Variants in ARHGAP28 observed in about 807,000 individuals in gnomAD.
The protein encoded by ARHGAP28 is Rho GTPase activating protein 28.
Under a neutral mutation model 90.7 loss-of-function variants are expected in ARHGAP28, and 56 were observed. The ratio of observed to expected loss-of-function variants is 0.62; its 90% CI spans 0.50 to 0.77. The LOEUF (loss-of-function observed/expected upper bound fraction) is 0.77. Ranked by LOEUF, ARHGAP28 falls within the 30% of genes least tolerant of loss-of-function variation. The pLI, the probability that ARHGAP28 is intolerant of heterozygous loss-of-function variation, is 0.00. For missense variants in ARHGAP28, 869 were observed against 900.9 expected (o/e 0.96, Z 0.45); for synonymous variants, 308 against 323.3 (o/e 0.95, Z 0.51).
chr18:6,833,027 A>G (rs755026398), intron 2 of ARHGAP28, among the ~76,000 whole-genome samples: 1 of 152,076 alleles, frequency 6.6e-6, no homozygotes, highest in Non-Finnish European at 1.5e-5. Flanking sequence ...TAACATCTGC[A>G]TATGTTGTAC....
chr18:6,759,891 A>C (rs4516307), intron 1 of ARHGAP28, among the ~76,000 whole-genome samples: 96,092 of 151,994 alleles, frequency 0.63, 31,387 homozygotes, highest in Middle Eastern at 0.72. Context: ...TCATTTAGAT[A>C]GGTATCAGAA....
intron 2 of ARHGAP28, among the ~76,000 whole-genome samples, 190 bp downstream of exon 2, chr18:6,825,154 A>C (rs1486809314): frequency 6.6e-6 from 1 of 152,140 alleles, no homozygotes; most frequent in Non-Finnish European, 1.5e-5. Flanking sequence ...CTTTTATCCC[A>C]GGTGACATGA....
chr18:6,837,239 C>T lies in ARHGAP28; in HGVS notation c.368C>T (p.Ser123Leu). ...GAATGGCTGCAAGATGTGGGTTTAT[C>T]AACTCTGATCTCAGGTGATGAAGAG... The part of the protein sequence containing the change: ...EAEWLQDVGL[S>L]TLISGDEEED... Residue 123 changes from serine to leucine, a missense_variant, in exon 3 of 18, where the codon TCA becomes TTA. Ser to Leu is a moderately radical substitution (Grantham distance 145). Coordinates refer to ENST00000383472, the MANE Select transcript of ARHGAP28 (RefSeq NM_001366230.1). 5.7e-6 allele frequency: 9 copies of T among 1,581,024 alleles called. No homozygotes were observed. The highest frequency in any genetic ancestry group is 7.7e-6 in the Non-Finnish European group (9 of 1,165,654).
intron 1 of ARHGAP28, among the ~76,000 whole-genome samples, chr18:6,770,800 G>T (rs547764597): frequency 1.3e-5 from 2 of 152,244 alleles, no homozygotes; most frequent in African/African-American, 4.8e-5. Flanking sequence ...GGGGTGGGGA[G>T]CCATATTGCC....
In ARHGAP28 at chr18:6,729,958, T is replaced by C. The variant is rs2055861791; in HGVS notation, c.122+15T>C. The stretch of plus-strand genomic sequence containing the variant: ...CCGCTCAGCAGGTACCCGGAGCCGC[T>C]CCCACCAGGGCGGCGCAGTCGCGCT... On this transcript the variant is annotated intron_variant, in intron 1 of 17. Coordinates refer to ENST00000383472, the MANE Select transcript of ARHGAP28 (RefSeq NM_001366230.1). The C allele has an allele frequency of 1.2e-5, 16 of 1,346,068 alleles. No homozygotes were observed. Among genetic ancestry groups the C allele is most frequent in the Non-Finnish European group, 1.5e-5 (16 of 1,053,604 alleles). The allele number at this position is 1,346,068 out of a possible 1,614,324, so 83.4% of individuals were successfully genotyped here.
At chr18:6,820,164 A>G (rs1394118336) in intron 1 of ARHGAP28, among the ~76,000 whole-genome samples, 1 of 152,210 alleles carries the variant, frequency 6.6e-6, no homozygotes, top group Non-Finnish European at 1.5e-5. Flanking sequence ...TGTTATAGAA[A>G]TTAGAGGATA....
At chr18:6,760,174 G>A (rs377360731) in intron 1 of ARHGAP28, among the ~76,000 whole-genome samples, 58 of 152,220 alleles carry the variant, frequency 3.8e-4, no homozygotes, top group African/African-American at 2.6e-4. Context: ...GGTTTTTTCC[G>A]CTTTAGAAAC....
chr18:6,881,887 A>G (rs1284665709), intron 10 of ARHGAP28, among the ~76,000 whole-genome samples: 1 of 152,216 alleles, frequency 6.6e-6, no homozygotes, highest in Non-Finnish European at 1.5e-5. Flanking sequence ...GAGAACTTCT[A>G]TATTTGTGTA....
intron 9 of ARHGAP28, among the ~76,000 whole-genome samples, 182 bp downstream of exon 9, chr18:6,873,957 C>G (rs921980772): frequency 6.6e-6 from 1 of 152,234 alleles, no homozygotes; most frequent in African/African-American, 2.4e-5. Flanking sequence ...GCGCCTGGGC[C>G]AGTTGGCCTT....
At chr18:6,905,051 C>T (rs753329271) in intron 16 of ARHGAP28, among the ~76,000 whole-genome samples, 1 of 151,624 alleles carries the variant, frequency 6.6e-6, no homozygotes, top group African/African-American at 2.4e-5. Flanking sequence ...AGGAATGCTC[C>T]CTAACTCATT....
chr18:6,752,626 G>A (rs1159041904), intron 1 of ARHGAP28, among the ~76,000 whole-genome samples: 1 of 152,140 alleles, frequency 6.6e-6, no homozygotes, highest in African/African-American at 2.4e-5. Flanking sequence ...CTCAGCCTCT[G>A]CATGAGAAAG....
At chr18:6,828,276 G>T (rs972221064) in intron 2 of ARHGAP28, among the ~76,000 whole-genome samples, 1 of 152,194 alleles carries the variant, frequency 6.6e-6, no homozygotes, top group South Asian at 2.1e-4. Flanking sequence ...AGGCAGGGAG[G>T]TTGCAGTGAG....
intron 14 of ARHGAP28, 128 bp from the exon 15 acceptor site, chr18:6,894,707 C>T: frequency 1.4e-6 from 1 of 698,818 alleles, no homozygotes; most frequent in Non-Finnish European, 2.5e-6. Flanking sequence ...GATTAAAGTG[C>T]ATATACATTT....
chr18:6,881,370 A>G lies in ARHGAP28; in HGVS notation c.1291-767A>G, dbSNP rs549617979. On this transcript the variant is annotated intron_variant, in intron 10 of 17. Coordinates refer to ENST00000383472, the MANE Select transcript of ARHGAP28 (RefSeq NM_001366230.1). ...TGGGAGACTGACTATAACTGCTGGC[A>G]TTATAGGTAAACCTTGTAGTTCAAA... Among the ~76,000 whole-genome samples, 5 of 152,346 alleles carry G rather than the reference A, an allele frequency of 3.3e-5. No homozygotes were observed. In the South Asian group the frequency reaches 1.0e-3, roughly 32 times the overall value.
At chr18:6,846,172 A>G (rs2056864863) in intron 3 of ARHGAP28, among the ~76,000 whole-genome samples, 1 of 152,162 alleles carries the variant, frequency 6.6e-6, no homozygotes, top group African/African-American at 2.4e-5. Flanking sequence ...TTCCTCTGTT[A>G]TACTTCAGTA....
chr18:6,845,854 G>A (rs895177694), intron 3 of ARHGAP28, among the ~76,000 whole-genome samples: 6 of 152,196 alleles, frequency 3.9e-5, no homozygotes, highest in Non-Finnish European at 8.8e-5. Flanking sequence ...AATGTGTAGT[G>A]ATAAGTGGGA....
chr18:6,885,439 C>T, intron 11 of ARHGAP28, among the ~76,000 whole-genome samples: 1 of 152,098 alleles, frequency 6.6e-6, no homozygotes, highest in Admixed American at 6.6e-5. Flanking sequence ...GAACACAGAG[C>T]CTTTTCCACT....
chr18:6,773,424 T>G (rs192099971), intron 1 of ARHGAP28, among the ~76,000 whole-genome samples: 6 of 152,326 alleles, frequency 3.9e-5, no homozygotes, highest in Admixed American at 2.0e-4. Flanking sequence ...GCATGATCTT[T>G]TATAGAGGGC....
intron 7 of ARHGAP28, among the ~76,000 whole-genome samples, chr18:6,871,260 T>C (rs1317514066): frequency 1.3e-5 from 2 of 152,228 alleles, no homozygotes; most frequent in Admixed American, 1.3e-4. Flanking sequence ...TGTGAGGCTG[T>C]AGGCTTGAAT....
Sources: allele counts gnomAD v4.1 joint callset (sites outside exome capture counted in the v4.1 genomes callset), GRCh38; gene constraint gnomAD v4.1.1; transcripts MANE v1.5; gene names NCBI Gene and HGNC (gene_info 2026-07-23, HGNC 2026-07-21).